Variants in FAR2 observed in about 807,000 individuals in gnomAD.
The protein encoded by FAR2 is fatty acyl-CoA reductase 2, also known as epididymis secretory protein Li 81.
In FAR2, 19 loss-of-function variants were observed where a neutral mutation model predicts 56.0. The observed-to-expected ratio is 0.34, with a 90% CI of 0.24 to 0.50. The LOEUF (loss-of-function observed/expected upper bound fraction) is 0.50. FAR2 is among the 20% of genes least tolerant of loss of function. The pLI is 0.98. For missense variants in FAR2, 508 were observed against 642.2 expected (o/e 0.79, Z 2.26); for synonymous variants, 219 against 218.8 (o/e 1.00, Z -0.01).
At chr12:29,318,045 T>A (rs1299762024) in intron 9 of FAR2, among the ~76,000 whole-genome samples, 1 of 152,238 alleles carries the variant, frequency 6.6e-6, no homozygotes, top group Non-Finnish European at 1.5e-5. Context: ...AATAATATTA[T>A]GTGTCAGAGG....
intron 1 of FAR2, among the ~76,000 whole-genome samples, chr12:29,167,615 C>T (rs1216061619): frequency 6.6e-6 from 1 of 152,216 alleles, no homozygotes; most frequent in Admixed American, 6.5e-5. Flanking sequence ...ACGTCATTAT[C>T]CTATATCACT....
intron 1 of FAR2, among the ~76,000 whole-genome samples, chr12:29,219,239 G>A (rs963009056): frequency 1.3e-5 from 2 of 152,004 alleles, no homozygotes; most frequent in Non-Finnish European, 2.9e-5. Flanking sequence ...CTACCTCACA[G>A]GATTTATTTA....
intron 1 of FAR2, among the ~76,000 whole-genome samples, chr12:29,233,011 T>C (rs988552356): frequency 2.0e-5 from 3 of 152,172 alleles, no homozygotes; most frequent in African/African-American, 4.8e-5. Context: ...ACCATACTTA[T>C]TCTCTGACCT....
At chr12:29,227,246 G>T (rs892541362) in intron 1 of FAR2, among the ~76,000 whole-genome samples, 4 of 152,090 alleles carry the variant, frequency 2.6e-5, no homozygotes, top group Non-Finnish European at 4.4e-5. Context: ...TTTATTTAAG[G>T]CATTTTGACT....
chr12:29,195,412 T>C lies in FAR2; in HGVS notation c.-39+46005T>C, dbSNP rs571063896. 2.6e-5 allele frequency among the ~76,000 whole-genome samples: 4 copies of C among 152,320 alleles called. No homozygotes were observed. The East Asian group carries it at 7.7e-4, about 29-fold the overall frequency. On this transcript the variant is annotated intron_variant, in intron 1 of 11. Transcript: ENST00000536681. ...TTATTACAAAACACTGACCCTACTC[T>C]TCCATGTCACCATTTAAAAGGATAA...
At chr12:29,188,618 T>A (rs1950068537) in intron 1 of FAR2, among the ~76,000 whole-genome samples, 1 of 152,190 alleles carries the variant, frequency 6.6e-6, no homozygotes, top group South Asian at 2.1e-4. Context: ...AGGCTTTATT[T>A]GAATTTCACC....
rs566134779 is a variant in FAR2 at position 29,161,688 on chromosome 12, T to C, written c.-39+12281T>C. 3.3e-5 allele frequency among the ~76,000 whole-genome samples: 5 copies of C among 152,376 alleles called. No homozygotes were observed. The South Asian group carries it at 1.0e-3, about 32-fold the overall frequency. On this transcript the variant is annotated intron_variant, in intron 1 of 11. Coordinates refer to ENST00000536681, the MANE Select transcript of FAR2 (RefSeq NM_001271783.2). ...GTGAAATTGCTTTATGCAAAGAGCT[T>C]TAATAAATCTGCCAAAGCGTTTTCC... is the stretch of plus-strand genomic sequence containing the variant.
chr12:29,295,756 ATTTTTTT>A (rs61390530), intron 3 of FAR2, among the ~76,000 whole-genome samples: 1 of 88,384 alleles, frequency 1.1e-5, no homozygotes, highest in African/African-American at 4.6e-5. Flanking sequence ...TTTTTACGTA[ATTTTTTT>A]TTTTTTTTTT....
intron 1 of FAR2, among the ~76,000 whole-genome samples, chr12:29,165,756 GC>G (rs893414453): frequency 6.6e-6 from 1 of 152,198 alleles, no homozygotes; most frequent in African/African-American, 2.4e-5. Flanking sequence ...AACATTTGGA[GC>G]CTTGAAGAGG....
intron 9 of FAR2, among the ~76,000 whole-genome samples, chr12:29,319,258 T>C (rs1385274673): frequency 6.6e-6 from 1 of 152,162 alleles, no homozygotes; most frequent in Non-Finnish European, 1.5e-5. Flanking sequence ...CCCAAAGTGC[T>C]GGGATTACAG....
At chr12:29,214,827 A>C (rs1947601080) in intron 1 of FAR2, among the ~76,000 whole-genome samples, 1 of 147,832 alleles carries the variant, frequency 6.8e-6, no homozygotes, top group South Asian at 2.1e-4. Flanking sequence ...TCTGAAAATA[A>C]AATGATAATA....
chr12:29,170,715 C>T (rs1447639608), intron 1 of FAR2, among the ~76,000 whole-genome samples: 1 of 150,530 alleles, frequency 6.6e-6, no homozygotes, highest in Non-Finnish European at 1.5e-5. Flanking sequence ...GTCTCTTTCT[C>T]TGTCTCTCTG....
At chr12:29,311,642 T>A (rs1376020202) in intron 7 of FAR2, among the ~76,000 whole-genome samples, 1 of 148,826 alleles carries the variant, frequency 6.7e-6, no homozygotes, top group Non-Finnish European at 1.5e-5. Flanking sequence ...CTCCATAATA[T>A]GTCACTCCTA....
intron 1 of FAR2, among the ~76,000 whole-genome samples, chr12:29,263,666 G>C (rs1057066932): frequency 8.2e-6 from 1 of 122,684 alleles, no homozygotes; most frequent in Non-Finnish European, 1.8e-5. Flanking sequence ...ATTCTTGGTA[G>C]GTTGTACATT....
chr12:29,280,848 C>T (rs1456707666), intron 2 of FAR2: 5 of 152,214 alleles, frequency 3.3e-5, no homozygotes, highest in Admixed American at 3.3e-4. Context: ...TGTCCATATT[C>T]CATTCTCAGA....
chr12:29,197,131 GTAT>G (rs1950150499), intron 1 of FAR2, among the ~76,000 whole-genome samples: 1 of 152,036 alleles, frequency 6.6e-6, no homozygotes, highest in Non-Finnish European at 1.5e-5. Context: ...TAGCATAACG[GTAT>G]TATGCTATTC....
intron 1 of FAR2, among the ~76,000 whole-genome samples, chr12:29,186,194 C>T (rs1950038359): frequency 6.6e-6 from 1 of 152,114 alleles, no homozygotes; most frequent in Non-Finnish European, 1.5e-5. Flanking sequence ...TTTTCAAAAT[C>T]TGTTATATAT....
intron 6 of FAR2, 93 bp downstream of exon 6, chr12:29,309,323 A>C: frequency 1.1e-6 from 1 of 890,694 alleles, no homozygotes; most frequent in Non-Finnish European, 1.8e-6. Context: ...TGATCCAAAA[A>C]CATAAATGTT....
chr12:29,273,371 C>T (rs750339019), intron 2 of FAR2, among the ~76,000 whole-genome samples: 59 of 152,292 alleles, frequency 3.9e-4, no homozygotes, highest in Admixed American at 6.5e-4. Context: ...AGCCCCTCCC[C>T]CACCAACGAG....
Sources: gnomAD v4.1 joint callset for allele counts (sites outside exome capture counted in the v4.1 genomes callset) on GRCh38, gnomAD v4.1.1 for gene constraint, MANE v1.5 for transcripts, NCBI Gene and HGNC (gene_info 2026-07-23, HGNC 2026-07-21) for gene names.